The following PDE11A variants were observed in gnomAD, a reference collection of about 807,000 sequenced individuals.
The protein encoded by PDE11A is phosphodiesterase 11A.
PDE11A carries 100 observed loss-of-function variants against 100.5 expected under a neutral mutation model. The observed-to-expected ratio is 1.00, with a 90% CI of 0.85 to 1.18. The LOEUF (loss-of-function observed/expected upper bound fraction) is 1.18, where lower values mean the gene tolerates loss of function less well. Among genes scored for constraint, PDE11A ranks in the 50% most tolerant of loss-of-function variants. PDE11A has a pLI of 0.00. For synonymous variants in PDE11A, 381 were observed against 420.8 expected (o/e 0.91, Z 1.16); for missense variants, 1,141 against 1,152.6 (o/e 0.99, Z 0.15).
At chr2:177,720,807 C>A (rs1186722496) in intron 12 of PDE11A, among the ~76,000 whole-genome samples, 1 of 152,176 alleles carries the variant, frequency 6.6e-6, no homozygotes, top group African/African-American at 2.4e-5. Context: ...CCTTTCCTTA[C>A]CAAGCTCAGA....
chr2:177,858,608 A>G (rs1242904522), intron 5 of PDE11A, among the ~76,000 whole-genome samples: 4 of 152,034 alleles, frequency 2.6e-5, no homozygotes, highest in South Asian at 2.1e-4. Context: ...AGGTGCTGGA[A>G]AGGATGTGGA....
chr2:177,714,739 G>T (rs186886916), intron 12 of PDE11A, among the ~76,000 whole-genome samples: 51 of 152,270 alleles, frequency 3.3e-4, no homozygotes, highest in African/African-American at 1.2e-3. Context: ...ACATTTTCTT[G>T]TTTCCTGGAG....
chr2:177,644,724 C>T (rs1486253600), intron 19 of PDE11A, among the ~76,000 whole-genome samples: 2 of 152,118 alleles, frequency 1.3e-5, no homozygotes, highest in South Asian at 2.1e-4. Context: ...TGTGTCCCCA[C>T]CAAAATCTCA....
intron 10 of PDE11A, among the ~76,000 whole-genome samples, chr2:177,754,027 G>C (rs1209240028): frequency 1.3e-5 from 2 of 151,912 alleles, no homozygotes; most frequent in Non-Finnish European, 2.9e-5. Context: ...CTGACAGTGA[G>C]AGAGCCAATG....
Position 177,983,282 on chromosome 2 carries a change from C to T in PDE11A, c.1071+31020G>A, listed in dbSNP as rs547175858. On this transcript the variant is annotated intron_variant, in intron 2 of 19. Transcript: ENST00000286063. ...TAGTGATTAAAAACAAATAATTACACGTGCTAGGGATGCACTTCTTAAAGA... is the reference window on the plus strand; with the variant it reads ...TAGTGATTAAAAACAAATAATTACATGTGCTAGGGATGCACTTCTTAAAGA... 2.6e-5 allele frequency among the ~76,000 whole-genome samples: 4 copies of T among 152,232 alleles called. No homozygotes were observed. The South Asian group carries it at 8.3e-4, about 32-fold the overall frequency.
intron 8 of PDE11A, 135 bp downstream of exon 8, chr2:177,817,723 A>C: frequency 1.6e-6 from 1 of 637,858 alleles, no homozygotes; most frequent in Non-Finnish European, 2.9e-6. Context: ...ATATTCCTTA[A>C]ATCTTCCTGT....
At chr2:178,088,730 T>C (rs1403748346) in intron 2 of PDE11A, among the ~76,000 whole-genome samples, 1 of 152,242 alleles carries the variant, frequency 6.6e-6, no homozygotes, top group Non-Finnish European at 1.5e-5. Context: ...GGGTATGCTA[T>C]CACCATAACA....
chr2:177,770,294 C>T (rs994349852), intron 9 of PDE11A, among the ~76,000 whole-genome samples: 16 of 152,264 alleles, frequency 1.1e-4, no homozygotes, highest in Admixed American at 7.8e-4. Flanking sequence ...TGAGAGGGGC[C>T]GATCCTTCAG....
rs1346180477 is a variant in PDE11A at position 177,669,495 on chromosome 2, A to G, written c.2560T>C (p.Ser854Pro). ...TTATAATTAAAGGATGAACTCACTG[A>G]AGGAGTGAGTTTGAGCTCTAATCTC... ...RERLELKLTP[S>P]AIFDRNRKDE... is the part of the protein sequence containing the mutation. Residue 854 changes from serine (S) to proline (P), a missense_variant and splice_region_variant, in exon 18 of 20, where the codon TCA (serine) becomes CCA (proline). Transcript: ENST00000286063. 1 of 1,219,330 alleles carries G rather than the reference A, an allele frequency of 8.2e-7. No individual in the cohort carries two copies. Among genetic ancestry groups the G allele is most frequent in the Non-Finnish European group, 1.2e-6 (1 of 819,642 alleles). The allele number at this position is 1,219,330 out of a possible 1,614,324, so 75.5% of individuals were successfully genotyped here.
chr2:177,763,358 A>C (rs2082195572), intron 10 of PDE11A, among the ~76,000 whole-genome samples: 1 of 152,230 alleles, frequency 6.6e-6, no homozygotes. Context: ...TTCCTTCTAT[A>C]TAGCTTCGAG....
chr2:177,861,226 G>A (rs766662375), intron 5 of PDE11A, among the ~76,000 whole-genome samples: 1 of 151,642 alleles, frequency 6.6e-6, no homozygotes, highest in Admixed American at 6.6e-5. Context: ...TAATAAACAA[G>A]TTCAACAAGG....
chr2:178,036,145 C>T (rs1378335708), intron 1 of PDE11A, among the ~76,000 whole-genome samples: 1 of 152,204 alleles, frequency 6.6e-6, no homozygotes, highest in Non-Finnish European at 1.5e-5. Context: ...AGCTCCAAAA[C>T]TCCTTAAGCT....
intron 12 of PDE11A, chr2:177,723,019 A>G (rs913620592): frequency 6.6e-6 from 1 of 152,132 alleles, no homozygotes; most frequent in African/African-American, 2.4e-5. Context: ...TTCTGTTGAG[A>G]TTAGGATTCT....
At chr2:177,992,159 A>C (rs2086012636) in intron 2 of PDE11A, among the ~76,000 whole-genome samples, 3 of 151,368 alleles carry the variant, frequency 2.0e-5, no homozygotes, top group Non-Finnish European at 4.4e-5. Context: ...AAATCTACAG[A>C]TCAATTTCAT....
chr2:178,061,729 ATTC>A (rs1446518090), intron 1 of PDE11A, among the ~76,000 whole-genome samples: 1 of 152,172 alleles, frequency 6.6e-6, no homozygotes, highest in South Asian at 2.1e-4. Context: ...TTTCCATGCG[ATTC>A]TTCATTAAAT....
At chr2:177,692,032 T>C (rs1179870352) in intron 15 of PDE11A, among the ~76,000 whole-genome samples, 1 of 152,178 alleles carries the variant, frequency 6.6e-6, no homozygotes, top group Non-Finnish European at 1.5e-5. Context: ...GGGGTTGCAG[T>C]CCTCAATCTT....
At chr2:177,817,749 T>C (rs1002184213) in intron 8 of PDE11A, 109 bp downstream of exon 8, 4 of 676,116 alleles carry the variant, frequency 5.9e-6, no homozygotes, top group Non-Finnish European at 1.1e-5. Context: ...TTGCCCTCCA[T>C]TTAAGTATAA....
chr2:177,814,546 C>G (rs1466316577), intron 9 of PDE11A, among the ~76,000 whole-genome samples: 1 of 152,116 alleles, frequency 6.6e-6, no homozygotes, highest in African/African-American at 2.4e-5. Flanking sequence ...CACCATAATT[C>G]TGACTGGGAA....
chr2:177,968,227 GAT>G (rs1259962461), intron 2 of PDE11A, among the ~76,000 whole-genome samples: 6 of 152,148 alleles, frequency 3.9e-5, no homozygotes, highest in Non-Finnish European at 7.3e-5. Context: ...TAAACTGTAA[GAT>G]ATTCTTTTTT....
Sources: gnomAD v4.1 joint callset for allele counts (sites outside exome capture counted in the v4.1 genomes callset) on GRCh38, gnomAD v4.1.1 for gene constraint, MANE v1.5 for transcripts, NCBI Gene and HGNC (gene_info 2026-07-23, HGNC 2026-07-21) for gene names.